Variants in KCNB2 observed in about 807,000 individuals in gnomAD.
The protein encoded by KCNB2 is potassium voltage-gated channel subfamily B member 2, also known as delayed rectifier potassium channel protein.
A neutral mutation model predicts 61.5 loss-of-function variants in KCNB2; 15 were observed. That is an observed-to-expected ratio of 0.24 (90% confidence interval 0.16 to 0.38). KCNB2 has a LOEUF of 0.38. Ranked by LOEUF, KCNB2 falls within the 10% of genes least tolerant of loss-of-function variation. The pLI, the probability that KCNB2 is intolerant of heterozygous loss-of-function variation, is 1.00. For missense variants in KCNB2, 828 were observed against 1,125.2 expected, an observed-to-expected ratio of 0.74 and a Z score of 3.78; for synonymous variants, 457 against 446.0, an observed-to-expected ratio of 1.02 and a Z score of -0.31.
intron 2 of KCNB2, among the ~76,000 whole-genome samples, chr8:72,612,549 A>G (rs1805557469): frequency 6.6e-6 from 1 of 152,164 alleles, no homozygotes; most frequent in Non-Finnish European, 1.5e-5. Flanking sequence ...GGAAGATGCT[A>G]TGGTACTTAG....
chr8:72,720,368 T>C (rs982631510), intron 2 of KCNB2, among the ~76,000 whole-genome samples: 2 of 152,228 alleles, frequency 1.3e-5, no homozygotes, highest in Non-Finnish European at 2.9e-5. Context: ...CTTGCTGTTT[T>C]GCTGTAATTC....
intron 2 of KCNB2, among the ~76,000 whole-genome samples, chr8:72,724,317 T>C (rs1807597786): frequency 6.6e-6 from 1 of 152,222 alleles, no homozygotes; most frequent in East Asian, 1.9e-4. Context: ...TGTACAGCTA[T>C]TCCTCCATTT....
intron 2 of KCNB2, among the ~76,000 whole-genome samples, chr8:72,888,127 G>C (rs1805836197): frequency 6.6e-6 from 1 of 152,128 alleles, no homozygotes; most frequent in African/African-American, 2.4e-5. Context: ...GTTTGAGACA[G>C]GTTCTCACTC....
intron 2 of KCNB2, among the ~76,000 whole-genome samples, chr8:72,835,404 T>A (rs991284774): frequency 1.3e-5 from 2 of 152,174 alleles, no homozygotes; most frequent in African/African-American, 4.8e-5. Flanking sequence ...AGCTCCAAGA[T>A]GCCAAATGAA....
At chr8:72,914,608 A>G (rs1373968222) in intron 2 of KCNB2, among the ~76,000 whole-genome samples, 1 of 152,220 alleles carries the variant, frequency 6.6e-6, no homozygotes, top group Non-Finnish European at 1.5e-5. Context: ...GAATGACACA[A>G]AAGTGATTAC....
intron 2 of KCNB2, among the ~76,000 whole-genome samples, chr8:72,639,887 T>C (rs563190896): frequency 1.3e-5 from 2 of 151,536 alleles, no homozygotes; most frequent in African/African-American, 4.8e-5. Context: ...AAACTAAAAA[T>C]AGAAATAAGG....
intron 2 of KCNB2, among the ~76,000 whole-genome samples, chr8:72,704,228 A>G (rs1807180399): frequency 6.6e-6 from 1 of 152,208 alleles, no homozygotes; most frequent in African/African-American, 2.4e-5. Context: ...GGCACTACCA[A>G]AGTGGAATGG....
At chr8:72,719,566 T>G (rs2128992638) in intron 2 of KCNB2, among the ~76,000 whole-genome samples, 1 of 152,258 alleles carries the variant, frequency 6.6e-6, no homozygotes, top group East Asian at 1.9e-4. Flanking sequence ...TAAAAAAAAC[T>G]CTAGATTACC....
intron 2 of KCNB2, among the ~76,000 whole-genome samples, chr8:72,933,293 G>A (rs1305536887): frequency 2.6e-5 from 4 of 152,208 alleles, no homozygotes. Context: ...CAGAAGTAAA[G>A]TGACCTACAG....
At chr8:72,890,865 G>T (rs1469512400) in intron 2 of KCNB2, among the ~76,000 whole-genome samples, 1 of 152,196 alleles carries the variant, frequency 6.6e-6, no homozygotes, top group Non-Finnish European at 1.5e-5. Flanking sequence ...ACTCTTTAGT[G>T]TAGATTGCAA....
At chr8:72,855,858 A>T (rs995533227) in intron 2 of KCNB2, among the ~76,000 whole-genome samples, 1 of 152,200 alleles carries the variant, frequency 6.6e-6, no homozygotes, top group Non-Finnish European at 1.5e-5. Context: ...TGGATGTTCA[A>T]GTCCTTTATA....
intron 2 of KCNB2, among the ~76,000 whole-genome samples, chr8:72,602,427 A>G (rs1356403112): frequency 6.6e-6 from 1 of 152,094 alleles, no homozygotes; most frequent in Admixed American, 6.6e-5. Flanking sequence ...AGGACTGTGC[A>G]TTTTGTATTA....
intron 2 of KCNB2, among the ~76,000 whole-genome samples, chr8:72,904,388 T>C (rs1429958440): frequency 1.3e-5 from 2 of 152,074 alleles, no homozygotes; most frequent in Admixed American, 6.6e-5. Flanking sequence ...AGGGAGAGGA[T>C]CAGGAAGAAT....
At chr8:72,717,013 C>A (rs1373534609) in intron 2 of KCNB2, among the ~76,000 whole-genome samples, 2 of 151,392 alleles carry the variant, frequency 1.3e-5, no homozygotes, top group South Asian at 2.1e-4. Context: ...TTCTTATACA[C>A]CAATAACAGA....
intron 2 of KCNB2, among the ~76,000 whole-genome samples, chr8:72,924,734 G>T (rs1028953352): frequency 6.6e-6 from 1 of 152,128 alleles, no homozygotes; most frequent in South Asian, 2.1e-4. Context: ...TGAGTCCTTG[G>T]TGGTTGCTGC....
At chr8:72,888,534 T>G (rs1805842856) in intron 2 of KCNB2, among the ~76,000 whole-genome samples, 1 of 152,230 alleles carries the variant, frequency 6.6e-6, no homozygotes, top group Non-Finnish European at 1.5e-5. Flanking sequence ...CTGAAGTAAA[T>G]TTCTTAAGCC....
chr8:72,765,563 C>A (rs1196558471), intron 2 of KCNB2, among the ~76,000 whole-genome samples: 1 of 152,242 alleles, frequency 6.6e-6, no homozygotes, highest in South Asian at 2.1e-4. Context: ...GTGTTGTCAG[C>A]AATTTTGAGG....
At chr8:72,569,545 A>G (rs1397441901) in intron 2 of KCNB2, among the ~76,000 whole-genome samples, 3 of 152,186 alleles carry the variant, frequency 2.0e-5, no homozygotes, top group African/African-American at 7.2e-5. Flanking sequence ...TCTGTTGTGT[A>G]TAACAAAGAA....
intron 2 of KCNB2, among the ~76,000 whole-genome samples, chr8:72,740,227 G>T (rs1027945243): frequency 1.3e-5 from 2 of 152,116 alleles, no homozygotes; most frequent in African/African-American, 4.8e-5. Context: ...ATATCAAACA[G>T]GTACTGTTTT....
Sources: gnomAD v4.1 joint callset for allele counts (sites outside exome capture counted in the v4.1 genomes callset) on GRCh38, gnomAD v4.1.1 for gene constraint, MANE v1.5 for transcripts, NCBI Gene and HGNC (gene_info 2026-07-23, HGNC 2026-07-21) for gene names.